The following CNTNAP2 variants were observed in gnomAD, a reference collection of about 807,000 sequenced individuals.
The protein encoded by CNTNAP2 is contactin-associated protein-like 2.
Under a neutral mutation model 155.2 loss-of-function variants are expected in CNTNAP2, and 98 were observed. That is an observed-to-expected ratio of 0.63 (90% CI 0.54 to 0.75). The LOEUF is 0.75. Among genes scored for constraint, CNTNAP2 ranks in the 30% least tolerant of loss-of-function variants. The pLI, the probability that CNTNAP2 is intolerant of heterozygous loss-of-function variation, is 0.00. For missense variants in CNTNAP2, 1,727 were observed against 1,688.1 expected, an observed-to-expected ratio of 1.02 and a Z score of -0.40; for synonymous variants, 651 against 631.2, an observed-to-expected ratio of 1.03 and a Z score of -0.47.
chr7:147,331,519 G>A (rs184340178), intron 9 of CNTNAP2, among the ~76,000 whole-genome samples: 2 of 152,140 alleles, frequency 1.3e-5, no homozygotes, highest in Admixed American at 1.3e-4. Context: ...CTGTACATAT[G>A]AATGAGAGTG....
chr7:146,571,240 G>A (rs1039413261), intron 1 of CNTNAP2, among the ~76,000 whole-genome samples: 3 of 152,028 alleles, frequency 2.0e-5, no homozygotes, highest in Admixed American at 6.6e-5. Flanking sequence ...CTGTGGAAAG[G>A]ATTGCAAACT....
At chr7:148,253,830 A>G (rs755322862) in intron 20 of CNTNAP2, among the ~76,000 whole-genome samples, 15 of 152,176 alleles carry the variant, frequency 9.9e-5, no homozygotes, top group Admixed American at 2.0e-4. Context: ...GACTAATCAT[A>G]TATAGTCATC....
At chr7:146,125,155 T>G (rs924435615) in intron 1 of CNTNAP2, among the ~76,000 whole-genome samples, 3 of 152,184 alleles carry the variant, frequency 2.0e-5, no homozygotes, top group African/African-American at 7.2e-5. Context: ...CTCATGCACT[T>G]CTGTAGTATA....
At chr7:146,557,371 C>T (rs752649021) in intron 1 of CNTNAP2, among the ~76,000 whole-genome samples, 1 of 151,912 alleles carries the variant, frequency 6.6e-6, no homozygotes, top group African/African-American at 2.4e-5. Context: ...TTTTGGTGTT[C>T]GTTATTAGAA....
At chr7:147,104,877 T>TATATATAA (rs1175157747) in intron 4 of CNTNAP2, among the ~76,000 whole-genome samples, 45 of 23,580 alleles carry the variant, frequency 1.9e-3, no homozygotes, top group African/African-American at 0.019. Flanking sequence ...CTCCCTCATA[T>TATATATAA]ATATATATAT....
intron 2 of CNTNAP2, among the ~76,000 whole-genome samples, chr7:146,782,421 C>G (rs1462855108): frequency 1.3e-5 from 2 of 152,164 alleles, no homozygotes; most frequent in African/African-American, 4.8e-5. Flanking sequence ...TTTGTCGGCT[C>G]TGAGGCAGTG....
At chr7:147,635,549 A>G (rs997066430) in intron 12 of CNTNAP2, among the ~76,000 whole-genome samples, 8 of 152,214 alleles carry the variant, frequency 5.3e-5, no homozygotes, top group Admixed American at 5.2e-4. Flanking sequence ...GTTACAAAAC[A>G]AACATATAAC....
chr7:148,318,441 G>A (rs1042502273), intron 21 of CNTNAP2, among the ~76,000 whole-genome samples: 1 of 152,200 alleles, frequency 6.6e-6, no homozygotes, highest in African/African-American at 2.4e-5. Context: ...ACAAGAGGAA[G>A]GGAAGAGCTA....
intron 15 of CNTNAP2, among the ~76,000 whole-genome samples, chr7:148,011,403 A>G (rs1208511423): frequency 6.6e-6 from 1 of 151,714 alleles, no homozygotes; most frequent in Non-Finnish European, 1.5e-5. Context: ...GTATTTTATT[A>G]TTTTCTCACG....
At chr7:147,310,956 C>A (rs1185367575) in intron 9 of CNTNAP2, among the ~76,000 whole-genome samples, 1 of 152,132 alleles carries the variant, frequency 6.6e-6, no homozygotes, top group Non-Finnish European at 1.5e-5. Flanking sequence ...ATAGGGGTTT[C>A]TAACCAAAGC....
intron 10 of CNTNAP2, among the ~76,000 whole-genome samples, chr7:147,434,989 C>T (rs1382364840): frequency 1.3e-5 from 2 of 152,160 alleles, no homozygotes; most frequent in Admixed American, 6.5e-5. Flanking sequence ...CAAATTCATA[C>T]AGATTTCCTC....
chr7:148,172,126 G>A (rs1421022424), intron 17 of CNTNAP2, 116 bp from the exon 18 acceptor site: 3 of 1,025,532 alleles, frequency 2.9e-6, no homozygotes, highest in Non-Finnish European at 4.5e-6. Flanking sequence ...ACTTGATAGT[G>A]ACAATACTAG....
chr7:147,025,593 G>T (rs987665861), intron 3 of CNTNAP2, among the ~76,000 whole-genome samples: 1 of 151,600 alleles, frequency 6.6e-6, no homozygotes, highest in Non-Finnish European at 1.5e-5. Flanking sequence ...CACCTCCAAC[G>T]CTGGGAATTA....
chr7:146,597,452 G>T (rs938839871), intron 1 of CNTNAP2, among the ~76,000 whole-genome samples: 11 of 151,780 alleles, frequency 7.2e-5, no homozygotes, highest in African/African-American at 2.7e-4. Context: ...AAATTATATG[G>T]CTTAATTATT....
In CNTNAP2 at chr7:148,316,845, G is replaced by A. The variant is rs116418293; in HGVS notation, c.3475+49719G>A. Among the ~76,000 whole-genome samples the A allele has an allele frequency of 1.6e-3, 242 of 152,318 alleles. 1 individual carries two copies. Among genetic ancestry groups the A allele is most frequent in the African/African-American group, 5.6e-3 (234 of 41,576 alleles). On this transcript the variant is annotated intron_variant, in intron 21 of 23. Transcript: ENST00000361727. ...GTGTATATATTATTAAAGACTCAGCGAGAAAAGACAATTCACTTTAAGACA... is the reference window on the plus strand; with the variant it reads ...GTGTATATATTATTAAAGACTCAGCAAGAAAAGACAATTCACTTTAAGACA...
chr7:146,767,904 C>G (rs1281860928), intron 1 of CNTNAP2, among the ~76,000 whole-genome samples: 1 of 152,054 alleles, frequency 6.6e-6, no homozygotes, highest in Non-Finnish European at 1.5e-5. Flanking sequence ...GGAATAAAAT[C>G]TAAATATTTT....
intron 1 of CNTNAP2, among the ~76,000 whole-genome samples, chr7:146,550,646 T>C (rs1393561234): frequency 2.0e-5 from 3 of 152,056 alleles, no homozygotes; most frequent in Non-Finnish European, 2.9e-5. Flanking sequence ...ACAATGTTTG[T>C]ATGTATCACA....
At chr7:146,404,710 C>T (rs1315803769) in intron 1 of CNTNAP2, among the ~76,000 whole-genome samples, 1 of 151,940 alleles carries the variant, frequency 6.6e-6, no homozygotes, top group Admixed American at 6.6e-5. Context: ...CCTTCCTTGC[C>T]CCTCCCTTCT....
At chr7:147,104,936 T>G (rs2129278736) in intron 4 of CNTNAP2, among the ~76,000 whole-genome samples, 1 of 144,642 alleles carries the variant, frequency 6.9e-6, no homozygotes, top group African/African-American at 2.5e-5. Flanking sequence ...CCATACCTTA[T>G]ATAGTTGGAT....
Sources: allele counts gnomAD v4.1 joint callset (sites outside exome capture counted in the v4.1 genomes callset), GRCh38; gene constraint gnomAD v4.1.1; transcripts MANE v1.5; gene names NCBI Gene and HGNC (gene_info 2026-07-23, HGNC 2026-07-21).